The following ERICH6B variants were observed in gnomAD, a reference collection of about 807,000 sequenced individuals.
The protein encoded by ERICH6B is glutamate-rich protein 6B.
Under a neutral mutation model 80.0 loss-of-function variants are expected in ERICH6B, and 69 were observed. That is an observed-to-expected ratio of 0.86 (90% CI 0.71 to 1.05). ERICH6B has a LOEUF of 1.05. ERICH6B is among the 50% of genes least tolerant of loss of function. ERICH6B has a pLI of 0.00. For synonymous variants in ERICH6B, 283 were observed against 291.9 expected (o/e 0.97, Z 0.31); for missense variants, 754 against 796.1 (o/e 0.95, Z 0.64).
chr13:45,585,384 T>A (rs1875856829), intron 5 of ERICH6B, among the ~76,000 whole-genome samples: 1 of 152,168 alleles, frequency 6.6e-6, no homozygotes, highest in Admixed American at 6.5e-5. Flanking sequence ...TCATTCTTTG[T>A]CCCTCTTTGT....
At chr13:45,552,527 C>T (rs1030057839) in intron 11 of ERICH6B, among the ~76,000 whole-genome samples, 1 of 151,026 alleles carries the variant, frequency 6.6e-6, no homozygotes, top group African/African-American at 2.4e-5. Flanking sequence ...GCTTTGCAGA[C>T]CATCTAGTAT....
intron 1 of ERICH6B, among the ~76,000 whole-genome samples, chr13:45,610,879 TA>T (rs1035431454): frequency 3.3e-5 from 5 of 151,070 alleles, no homozygotes; most frequent in African/African-American, 1.2e-4. Context: ...TTATATATAA[TA>T]TACATTTATA....
At chr13:45,589,852 T>C (rs1299255873) in intron 4 of ERICH6B, among the ~76,000 whole-genome samples, 2 of 152,114 alleles carry the variant, frequency 1.3e-5, no homozygotes, top group Admixed American at 1.3e-4. Context: ...GGCCTTGCAG[T>C]GCCCCTGGAG....
At chr13:45,563,671 G>T in intron 10 of ERICH6B, 56 bp downstream of exon 10, 1 of 1,439,556 alleles carries the variant, frequency 6.9e-7, no homozygotes, top group Non-Finnish European at 9.6e-7. Context: ...GGGAGAGGCG[G>T]TGGGATGCAG....
intron 13 of ERICH6B, among the ~76,000 whole-genome samples, chr13:45,545,894 G>A (rs924960154): frequency 2.6e-5 from 4 of 152,184 alleles, no homozygotes; most frequent in Non-Finnish European, 4.4e-5. Flanking sequence ...CTGGCTCCAC[G>A]TGAGTTACAT....
intron 11 of ERICH6B, among the ~76,000 whole-genome samples, chr13:45,552,687 G>A (rs1874269283): frequency 1.3e-5 from 2 of 151,834 alleles, no homozygotes; most frequent in Admixed American, 1.3e-4. Context: ...TATTGTCATT[G>A]AACAATAAGG....
chr13:45,547,856 C>G (rs572598382), intron 13 of ERICH6B, among the ~76,000 whole-genome samples: 2 of 152,320 alleles, frequency 1.3e-5, no homozygotes, highest in East Asian at 3.9e-4. Flanking sequence ...AGTAGCAACA[C>G]TAGGCCACCC....
chr13:45,554,271 T>C (rs1369584253), intron 11 of ERICH6B, among the ~76,000 whole-genome samples: 1 of 152,252 alleles, frequency 6.6e-6, no homozygotes, highest in Non-Finnish European at 1.5e-5. Context: ...TCCAGGTTCA[T>C]CCATGTTCTC....
intron 2 of ERICH6B, among the ~76,000 whole-genome samples, chr13:45,600,441 T>C (rs2138027980): frequency 6.6e-6 from 1 of 152,322 alleles, no homozygotes; most frequent in South Asian, 2.1e-4. Flanking sequence ...GTCACGGTTT[T>C]TAGGGTCTCC....
chr13:45,602,388 A>G (rs1949832420), intron 2 of ERICH6B, among the ~76,000 whole-genome samples: 1 of 152,236 alleles, frequency 6.6e-6, no homozygotes, highest in African/African-American at 2.4e-5. Context: ...AATGTAAGAT[A>G]GCCTGTGCTT....
intron 5 of ERICH6B, among the ~76,000 whole-genome samples, chr13:45,581,552 T>C (rs576707878): frequency 2.6e-5 from 4 of 152,346 alleles, no homozygotes; most frequent in African/African-American, 9.6e-5. Context: ...ACTTTTTGTA[T>C]TTTTAGTAGA....
chr13:45,563,521 C>G, intron 10 of ERICH6B: 1 of 599,838 alleles, frequency 1.7e-6, no homozygotes, highest in East Asian at 2.8e-5. Context: ...CCCCTGCCAC[C>G]AAGAAAGAAA....
At chr13:45,613,174 C>A (rs1278773569) in intron 1 of ERICH6B, among the ~76,000 whole-genome samples, 2 of 151,960 alleles carry the variant, frequency 1.3e-5, no homozygotes, top group African/African-American at 4.8e-5. Flanking sequence ...GTGAGCCCCT[C>A]CTAATGAAAA....
Position 45,541,503 on chromosome 13 carries a change from TGTCCATCA to T in ERICH6B, c.2042_2049del (p.Leu681GlnfsTer10). The T allele has an allele frequency of 6.4e-7, 1 of 1,552,190 alleles. No individual in the cohort carries two copies. On this transcript the variant is annotated frameshift_variant, in exon 15 of 15. Transcript: ENST00000298738. LOFTEE classifies it low-confidence loss of function (END_TRUNC). Reference sequence around the variant, plus strand: ...GAGAGCATCTTCTTCAGGTACTTGTTGTCCATCAGTGATATACTGACGGCCTCTATGAA... The same window carrying T: ...GAGAGCATCTTCTTCAGGTACTTGTTGTGATATACTGACGGCCTCTATGAA...
At chr13:45,597,227 T>C (rs1462504963) in intron 2 of ERICH6B, among the ~76,000 whole-genome samples, 164 bp from the exon 3 acceptor site, 1 of 152,182 alleles carries the variant, frequency 6.6e-6, no homozygotes, top group Non-Finnish European at 1.5e-5. Flanking sequence ...GAAGAGGGAA[T>C]GGAAGCTTAC....
chr13:45,558,230 C>T (rs761029397), intron 11 of ERICH6B, among the ~76,000 whole-genome samples: 2 of 152,218 alleles, frequency 1.3e-5, no homozygotes, highest in Non-Finnish European at 2.9e-5. Context: ...TGATTTGATT[C>T]TCAGCTTGGT....
At chr13:45,596,338 C>T (rs1876366660) in intron 3 of ERICH6B, 31 bp downstream of exon 3, 6 of 1,531,308 alleles carry the variant, frequency 3.9e-6, no homozygotes, top group African/African-American at 2.8e-5. Flanking sequence ...CTTTTCCTCC[C>T]ATAGATGCTC....
intron 4 of ERICH6B, among the ~76,000 whole-genome samples, chr13:45,589,117 G>A (rs1206715199): frequency 6.6e-6 from 1 of 152,208 alleles, no homozygotes. Context: ...ATGTGTGAAT[G>A]TAACACTTAC....
Position 45,561,644 on chromosome 13 carries a change from T to C in ERICH6B, c.1250-118A>G. 1.8e-6 allele frequency: 2 copies of C among 1,122,330 alleles called. 1 individual carries two copies. Among genetic ancestry groups the C allele is most frequent in the East Asian group, 5.2e-5 (2 of 38,658 alleles). The allele number at this position is 1,122,330 out of a possible 1,614,324, so 69.5% of individuals were successfully genotyped here. ...TTTGAGGGTTTGGGAGATCTGCCAT[T>C]TTTCCCCAGTGAGGAAGGCTGTCGG... On this transcript the variant is annotated intron_variant, in intron 10 of 14. Transcript: ENST00000298738.
Sources: gnomAD v4.1 joint callset for allele counts (sites outside exome capture counted in the v4.1 genomes callset) on GRCh38, gnomAD v4.1.1 for gene constraint, MANE v1.5 for transcripts, NCBI Gene and HGNC (gene_info 2026-07-23, HGNC 2026-07-21) for gene names.